The following CACNA2D3 variants were observed in gnomAD, a reference collection of about 807,000 sequenced individuals.
CACNA2D3 encodes calcium voltage-gated channel auxiliary subunit alpha2delta 3.
A neutral mutation model predicts 160.6 loss-of-function variants in CACNA2D3; 60 were observed. The ratio of observed to expected loss-of-function variants is 0.37; its 90% CI spans 0.30 to 0.46. The LOEUF (loss-of-function observed/expected upper bound fraction) is 0.46. Among genes scored for constraint, CACNA2D3 ranks in the 20% least tolerant of loss-of-function variants. The probability of loss-of-function intolerance (pLI) is 1.00; values close to 1 mark genes in which losing one functional copy is unlikely to be tolerated. For missense variants in CACNA2D3, 1,205 were observed against 1,365.0 expected (o/e 0.88, Z 1.85); for synonymous variants, 558 against 492.9 (o/e 1.13, Z -1.75).
intron 35 of CACNA2D3, among the ~76,000 whole-genome samples, chr3:55,052,242 G>A (rs75421210): frequency 0.072 from 10,943 of 152,050 alleles, 464 homozygotes; most frequent in South Asian, 0.084. Flanking sequence ...AGGGTTTTCC[G>A]GAAACTTTTC....
At chr3:55,071,363 C>A (rs358070) in intron 35 of CACNA2D3, among the ~76,000 whole-genome samples, 96,531 of 151,966 alleles carry the variant, frequency 0.64, 31,047 homozygotes, top group Middle Eastern at 0.69. Flanking sequence ...CTTATACTGG[C>A]AGTCATGTGT....
intron 3 of CACNA2D3, among the ~76,000 whole-genome samples, chr3:54,365,585 C>T (rs547849842): frequency 1.3e-5 from 2 of 152,236 alleles, no homozygotes; most frequent in African/African-American, 2.4e-5. Context: ...GCTATCTGGC[C>T]GGTCACAGTG....
intron 17 of CACNA2D3, among the ~76,000 whole-genome samples, chr3:54,864,461 A>G (rs190586421): frequency 1.3e-5 from 2 of 152,030 alleles, no homozygotes; most frequent in East Asian, 1.9e-4. Flanking sequence ...TTTGGTAGAG[A>G]TGGGTTTTTG....
intron 4 of CACNA2D3, among the ~76,000 whole-genome samples, chr3:54,440,666 G>A: frequency 6.6e-6 from 1 of 152,088 alleles, no homozygotes; most frequent in African/African-American, 2.4e-5. Context: ...GCCCTGGTGT[G>A]CGATATTCCC....
At chr3:54,221,340 C>A (rs1242708955) in intron 2 of CACNA2D3, among the ~76,000 whole-genome samples, 1 of 152,172 alleles carries the variant, frequency 6.6e-6, no homozygotes, top group Non-Finnish European at 1.5e-5. Context: ...TTTGAGATTA[C>A]CAGCATATTT....
At chr3:54,731,585 T>C (rs1462455644) in intron 11 of CACNA2D3, among the ~76,000 whole-genome samples, 1 of 152,168 alleles carries the variant, frequency 6.6e-6, no homozygotes. Flanking sequence ...CTGGGGCTCA[T>C]CTTGGCCCTA....
chr3:54,300,096 A>G (rs2107488662), intron 2 of CACNA2D3, among the ~76,000 whole-genome samples: 1 of 152,268 alleles, frequency 6.6e-6, no homozygotes, highest in East Asian at 1.9e-4. Flanking sequence ...GGACCAGAAG[A>G]TAAAATCATT....
intron 2 of CACNA2D3, among the ~76,000 whole-genome samples, chr3:54,198,993 C>G (rs1701129219): frequency 6.6e-6 from 1 of 152,206 alleles, no homozygotes; most frequent in African/African-American, 2.4e-5. Flanking sequence ...GTCCCTATCC[C>G]TTTTCTTTTC....
intron 2 of CACNA2D3, among the ~76,000 whole-genome samples, chr3:54,193,875 T>C (rs1222842757): frequency 6.6e-6 from 1 of 152,240 alleles, no homozygotes; most frequent in Non-Finnish European, 1.5e-5. Context: ...TGCCTCAATT[T>C]TCTCACCTGC....
intron 2 of CACNA2D3, among the ~76,000 whole-genome samples, chr3:54,154,838 T>G (rs1051542480): frequency 6.6e-6 from 1 of 152,216 alleles, no homozygotes; most frequent in Admixed American, 6.5e-5. Context: ...ATTGCCTCTT[T>G]CTCCTTCTGT....
At chr3:54,675,601 C>T (rs2106905191) in intron 11 of CACNA2D3, among the ~76,000 whole-genome samples, 1 of 152,200 alleles carries the variant, frequency 6.6e-6, no homozygotes. Context: ...TAGTACAGTG[C>T]TGAAGTAGAG....
intron 27 of CACNA2D3, among the ~76,000 whole-genome samples, chr3:54,932,940 A>G (rs530592531): frequency 9.2e-5 from 14 of 152,226 alleles, no homozygotes; most frequent in Non-Finnish European, 1.6e-4. Flanking sequence ...GCATGTGGAT[A>G]ATAGTGAAAA....
intron 11 of CACNA2D3, among the ~76,000 whole-genome samples, chr3:54,661,592 G>T (rs1400658884): frequency 6.6e-6 from 1 of 152,044 alleles, no homozygotes; most frequent in Admixed American, 6.6e-5. Context: ...AAAAAATCCA[G>T]AGAGAGTCAT....
intron 3 of CACNA2D3, among the ~76,000 whole-genome samples, chr3:54,338,558 G>C (rs1222444823): frequency 6.6e-6 from 1 of 150,898 alleles, no homozygotes; most frequent in Non-Finnish European, 1.5e-5. Flanking sequence ...GCCAGAGAAT[G>C]ACACCTGTCT....
intron 35 of CACNA2D3, among the ~76,000 whole-genome samples, chr3:55,031,487 A>G (rs1011545256): frequency 2.0e-5 from 3 of 152,234 alleles, no homozygotes; most frequent in South Asian, 2.1e-4. Context: ...TATAGATACA[A>G]AGTTTCTAGA....
chr3:54,400,263 T>C (rs34160398), intron 4 of CACNA2D3, among the ~76,000 whole-genome samples: 16,156 of 150,800 alleles, frequency 0.11, 1,039 homozygotes, highest in East Asian at 0.18. Flanking sequence ...CCGTCTTCTG[T>C]GTCGCTCACG....
At chr3:54,203,926 G>A (rs999963643) in intron 2 of CACNA2D3, among the ~76,000 whole-genome samples, 2 of 151,886 alleles carry the variant, frequency 1.3e-5, no homozygotes, top group Non-Finnish European at 2.9e-5. Context: ...ATTTGGGCGC[G>A]AAAGCAAGAG....
intron 2 of CACNA2D3, among the ~76,000 whole-genome samples, chr3:54,318,491 A>T (rs1217251957): frequency 2.0e-5 from 3 of 152,124 alleles, no homozygotes; most frequent in African/African-American, 7.2e-5. Context: ...GTCTAGACTC[A>T]CATGGTCCAG....
At chr3:54,390,258 C>T (rs2106670477) in intron 4 of CACNA2D3, among the ~76,000 whole-genome samples, 1 of 152,200 alleles carries the variant, frequency 6.6e-6, no homozygotes, top group East Asian at 1.9e-4. Flanking sequence ...TATTATTTTC[C>T]AAGAGTGTTC....
Sources: gnomAD v4.1 joint callset for allele counts (sites outside exome capture counted in the v4.1 genomes callset) on GRCh38, gnomAD v4.1.1 for gene constraint, MANE v1.5 for transcripts, NCBI Gene and HGNC (gene_info 2026-07-23, HGNC 2026-07-21) for gene names.